PTPRM: variants seen among roughly 807,000 people sequenced by gnomAD.
The protein encoded by PTPRM is protein tyrosine phosphatase receptor type M.
PTPRM carries 47 observed loss-of-function variants against 186.7 expected under a neutral mutation model. The observed-to-expected ratio is 0.25, with a 90% CI of 0.20 to 0.32. PTPRM has a LOEUF of 0.32. PTPRM is among the 10% of genes least tolerant of loss of function. PTPRM has a pLI of 1.00. For missense variants in PTPRM, 1,494 were observed against 1,865.0 expected (o/e 0.80, Z 3.66); for synonymous variants, 668 against 674.9 (o/e 0.99, Z 0.16).
intron 19 of PTPRM, among the ~76,000 whole-genome samples, chr18:8,267,933 C>G (rs150918767): frequency 5.0e-4 from 76 of 152,206 alleles, no homozygotes; most frequent in Non-Finnish European, 7.5e-4. Context: ...TTGTTCGTAT[C>G]CTTTGCATCT....
At chr18:7,694,568 A>G (rs956543315) in intron 1 of PTPRM, among the ~76,000 whole-genome samples, 3 of 151,822 alleles carry the variant, frequency 2.0e-5, no homozygotes, top group African/African-American at 7.3e-5. Context: ...TTGGGATTAC[A>G]GGTACCCACC....
rs576848848 is a variant in PTPRM, at chr18:8,285,553, G to C, written c.2755-10815G>C. Among the ~76,000 whole-genome samples, 11 of 152,334 alleles carry C rather than the reference G, an allele frequency of 7.2e-5. 1 individual carries two copies. The South Asian group carries it at 2.3e-3, about 32-fold the overall frequency. The stretch of plus-strand genomic sequence containing the variant: ...TACTTTTGATTCGCCAGGGAACCTT[G>C]GTTTGAGGCAAGCGTTCTCTCTCAG... On this transcript the variant is annotated intron_variant, in intron 19 of 32. Transcript: ENST00000580170.
At chr18:8,091,720 A>G (rs549324473) in intron 11 of PTPRM, among the ~76,000 whole-genome samples, 1 of 152,264 alleles carries the variant, frequency 6.6e-6, no homozygotes, top group Admixed American at 6.5e-5. Context: ...GTTGGGGAAA[A>G]AAATGTGTAT....
chr18:8,044,187 T>C (rs181287855), intron 7 of PTPRM, among the ~76,000 whole-genome samples: 48 of 152,298 alleles, frequency 3.2e-4, no homozygotes, highest in East Asian at 1.5e-3. Context: ...AGAGAGCTCA[T>C]TGGGGCCTGA....
intron 3 of PTPRM, among the ~76,000 whole-genome samples, chr18:7,889,954 A>T (rs2048985405): frequency 6.6e-6 from 1 of 152,202 alleles, no homozygotes; most frequent in Non-Finnish European, 1.5e-5. Context: ...GCCCATGGAC[A>T]TTCAGAAGTG....
intron 2 of PTPRM, among the ~76,000 whole-genome samples, chr18:7,866,132 C>T (rs1341085155): frequency 6.6e-6 from 1 of 152,070 alleles, no homozygotes; most frequent in Non-Finnish European, 1.5e-5. Flanking sequence ...TTTCAAAAAA[C>T]CACCTCCTGG....
chr18:7,820,757 G>C (rs2045143078), intron 2 of PTPRM, among the ~76,000 whole-genome samples: 1 of 152,188 alleles, frequency 6.6e-6, no homozygotes. Context: ...CACCACGGTG[G>C]CCTCGCCTCT....
intron 23 of PTPRM, among the ~76,000 whole-genome samples, chr18:8,365,166 C>T (rs902356809): frequency 2.0e-5 from 3 of 152,176 alleles, no homozygotes; most frequent in Non-Finnish European, 4.4e-5. Flanking sequence ...CGTAAAGCAC[C>T]TTGAGTTCCA....
At chr18:8,289,562 ACAT>A (rs2095012650) in intron 19 of PTPRM, among the ~76,000 whole-genome samples, 1 of 94,568 alleles carries the variant, frequency 1.1e-5, no homozygotes. Context: ...ATATATATAC[ACAT>A]ATATATATAT....
chr18:8,344,428 A>ATGTGTGTG lies in PTPRM; in HGVS notation c.3054+909_3054+910insGTGTGTGT, dbSNP rs1252018010. Among the ~76,000 whole-genome samples, 7 of 27,842 alleles carry ATGTGTGTG rather than the reference A, an allele frequency of 2.5e-4. No homozygotes were observed. In the South Asian group the frequency reaches 6.8e-3, roughly 27 times the overall value. The allele number at this position is 27,842 out of a possible 152,430, so 18.3% of individuals were successfully genotyped here. ...CACACAATATAAGTAGGAGATATAT[A>ATGTGTGTG]TATGTGTGTGTGTGTGTGTGTATAT... On this transcript the variant is annotated intron_variant, in intron 23 of 32. Transcript: ENST00000580170.
chr18:7,987,984 C>G (rs932357510), intron 7 of PTPRM, among the ~76,000 whole-genome samples: 1 of 144,880 alleles, frequency 6.9e-6, no homozygotes, highest in Non-Finnish European at 1.5e-5. Context: ...CAGGACCAGC[C>G]TGGACAACAT....
At chr18:8,175,352 G>A (rs866147677) in intron 14 of PTPRM, among the ~76,000 whole-genome samples, 4 of 152,278 alleles carry the variant, frequency 2.6e-5, no homozygotes, top group South Asian at 2.1e-4. Flanking sequence ...TACAACTGGA[G>A]TGAATAAATA....
chr18:7,706,201 G>A lies in PTPRM; in HGVS notation c.74-67948G>A, dbSNP rs1057036546. On this transcript the variant is annotated intron_variant, in intron 1 of 32. Coordinates refer to ENST00000580170, the MANE Select transcript of PTPRM (RefSeq NM_001105244.2). The stretch of plus-strand genomic sequence containing the variant: ...GACATATAGAAGTCATTTGTTACAC[G>A]CATGAGAGTGTTAGAAGTGACAAGA... Among the ~76,000 whole-genome samples, 7 of 151,758 alleles carry A rather than the reference G, an allele frequency of 4.6e-5. No individual in the cohort carries two copies. The East Asian group carries it at 7.7e-4, about 17-fold the overall frequency.
intron 1 of PTPRM, among the ~76,000 whole-genome samples, chr18:7,574,488 A>C (rs2036638224): frequency 6.6e-6 from 1 of 152,218 alleles, no homozygotes. Context: ...AATTCAAATA[A>C]ATATTTATTG....
At chr18:7,816,201 A>G (rs2044817226) in intron 2 of PTPRM, among the ~76,000 whole-genome samples, 1 of 152,196 alleles carries the variant, frequency 6.6e-6, no homozygotes, top group South Asian at 2.1e-4. Flanking sequence ...CCCACCAAGT[A>G]CTGGAAACTT....
intron 14 of PTPRM, among the ~76,000 whole-genome samples, chr18:8,162,316 G>C (rs1251584231): frequency 6.6e-6 from 1 of 152,148 alleles, no homozygotes; most frequent in Non-Finnish European, 1.5e-5. Flanking sequence ...AGCCAGGCTG[G>C]CCTTGAACTC....
intron 2 of PTPRM, among the ~76,000 whole-genome samples, chr18:7,861,869 T>C (rs1202964002): frequency 6.6e-6 from 1 of 152,080 alleles, no homozygotes; most frequent in East Asian, 1.9e-4. Context: ...CCCTGCAAAG[T>C]AGACATGGAT....
intron 32 of PTPRM, among the ~76,000 whole-genome samples, chr18:8,395,020 G>C (rs1342056649): frequency 2.6e-5 from 4 of 152,136 alleles, no homozygotes; most frequent in Non-Finnish European, 5.9e-5. Flanking sequence ...GTGAATTTTA[G>C]TTTGACATCC....
chr18:7,731,678 T>C (rs530904130), intron 1 of PTPRM, among the ~76,000 whole-genome samples: 1 of 152,328 alleles, frequency 6.6e-6, no homozygotes, highest in Non-Finnish European at 1.5e-5. Flanking sequence ...GTGGATTCTC[T>C]GAAACTCATG....
Sources: gnomAD v4.1 joint callset for allele counts (sites outside exome capture counted in the v4.1 genomes callset) on GRCh38, gnomAD v4.1.1 for gene constraint, MANE v1.5 for transcripts, NCBI Gene and HGNC (gene_info 2026-07-23, HGNC 2026-07-21) for gene names.